Variants in MEIS3 observed in about 807,000 individuals in gnomAD.
The protein encoded by MEIS3 is Meis homeobox 3.
In MEIS3, 38 loss-of-function variants were observed where a neutral mutation model predicts 51.4. The ratio of observed to expected loss-of-function variants is 0.74; its 90% CI spans 0.57 to 0.97. MEIS3 has a LOEUF of 0.97. Ranked by LOEUF, MEIS3 falls within the 50% of genes least tolerant of loss-of-function variation. MEIS3 has a pLI of 0.00. For synonymous variants in MEIS3, 198 were observed against 201.8 expected (o/e 0.98, Z 0.16); for missense variants, 456 against 502.6 (o/e 0.91, Z 0.89).
At position 47,414,860 on chromosome 19, in the gene MEIS3, C is replaced by G; in HGVS notation, c.454G>C (p.Asp152His). Residue 152 changes from aspartate (D) to histidine (H), a missense_variant, in exon 6 of 13, where the codon GAC becomes CAC. Asp to His is a moderately conservative substitution (Grantham distance 81, BLOSUM62 -1). Transcript: ENST00000558555. Reference protein sequence around the residue: ...FHLLELEKVHDLCDNFCHRYI... With the variant: ...FHLLELEKVHHLCDNFCHRYI... The stretch of plus-strand genomic sequence containing the variant: ...CGGTGACAGAAGTTGTCGCACAGGT[C>G]GTGGACCTGGGGGGGCACCGGGGTA... 1 of 1,415,140 alleles carries G rather than the reference C, an allele frequency of 7.1e-7. No individual in the cohort carries two copies. Among genetic ancestry groups the G allele is most frequent in the East Asian group, 3.5e-5 (1 of 28,704 alleles). 87.7% of individuals were successfully genotyped at this position (1,415,140 alleles called of 1,614,324 possible).
upstream of MEIS3, among the ~76,000 whole-genome samples, chr19:47,420,936 ACACACT>A (rs1270584445): frequency 2.1e-5 from 2 of 93,984 alleles, no homozygotes; most frequent in African/African-American, 1.1e-4. Context: ...ACACACACAC[ACACACT>A]CTCTCTCTCT....
At chr19:47,407,210 G>A (rs1970875186) in intron 9 of MEIS3, 73 bp from the exon 10 acceptor site, 2 of 1,528,226 alleles carry the variant, frequency 1.3e-6, no homozygotes, top group South Asian at 1.2e-5. Context: ...AACACAGAGC[G>A]GGCCGGAGGA....
chr19:47,415,045 G>A lies in MEIS3; in HGVS notation c.447+6C>T, dbSNP rs748791079. ...GTGAGGGTGTGGGGAGGTGAGACGC[G>A]CTCACCTTCTCCAGCTCCAGCAGGT... On this transcript the variant is annotated splice_donor_region_variant and intron_variant, in intron 5 of 12. Coordinates refer to ENST00000558555, the MANE Select transcript of MEIS3 (RefSeq NM_001301059.2). The A allele has an allele frequency of 2.8e-5, 43 of 1,550,354 alleles. No homozygotes were observed. In the Admixed American group the frequency reaches 4.4e-4, roughly 16 times the overall value.
At chr19:47,414,427 A>G (rs1971289970) in intron 6 of MEIS3, among the ~76,000 whole-genome samples, 1 of 152,020 alleles carries the variant, frequency 6.6e-6, no homozygotes, top group Admixed American at 6.6e-5. Context: ...TGTGAGCAGA[A>G]ATGGCTGTTG....
intron 4 of MEIS3, 36 bp downstream of exon 4, chr19:47,416,616 T>G: frequency 1.4e-6 from 2 of 1,468,486 alleles, no homozygotes; most frequent in Non-Finnish European, 1.8e-6. Flanking sequence ...GGAGACCCAT[T>G]GGAGGAGGGG....
intron 6 of MEIS3, among the ~76,000 whole-genome samples, chr19:47,413,397 C>CAA (rs879067578): frequency 1.6e-5 from 2 of 127,150 alleles, no homozygotes; most frequent in Non-Finnish European, 1.7e-5. Context: ...GACTCCATCT[C>CAA]AAAAAAAAAA....
At chr19:47,421,828 A>C (rs1343610781), upstream of MEIS3, among the ~76,000 whole-genome samples, 4 of 128,924 alleles carry the variant, frequency 3.1e-5, no homozygotes, top group African/African-American at 8.9e-5. Flanking sequence ...CTTTCTCTCC[A>C]TCTTTCTCGG....
intron 1 of MEIS3, chr19:47,417,718 A>G: frequency 1.4e-6 from 1 of 698,780 alleles, no homozygotes; most frequent in Non-Finnish European, 2.6e-6. Context: ...TCCTGTAGGA[A>G]CCGCGCATTG....
intron 4 of MEIS3, 26 bp downstream of exon 4, chr19:47,416,626 G>A (rs1356265984): frequency 1.3e-6 from 2 of 1,500,064 alleles, no homozygotes; most frequent in Non-Finnish European, 1.8e-6. Flanking sequence ...TGGAGGAGGG[G>A]GTGTGGGGGA....
intron 6 of MEIS3, among the ~76,000 whole-genome samples, chr19:47,410,015 T>C (rs1264787196): frequency 6.6e-6 from 1 of 151,242 alleles, no homozygotes; most frequent in Admixed American, 6.6e-5. Context: ...AACTGGAAAA[T>C]GAAGGACAGG....
intron 4 of MEIS3, among the ~76,000 whole-genome samples, chr19:47,415,573 CT>C (rs1302603532): frequency 3.5e-5 from 4 of 115,250 alleles, no homozygotes; most frequent in Admixed American, 1.0e-4. Context: ...CTCTCTCTCT[CT>C]TTTTTTTTTT....
At chr19:47,406,247 T>C in intron 12 of MEIS3, 1 of 487,012 alleles carries the variant, frequency 2.1e-6, no homozygotes, top group Non-Finnish European at 3.7e-6. Context: ...AGTGAGTGGG[T>C]AGATGGATGG....
At chr19:47,415,571 CTCT>C (rs1250798732) in intron 4 of MEIS3, among the ~76,000 whole-genome samples, 104 of 122,156 alleles carry the variant, frequency 8.5e-4, no homozygotes, top group African/African-American at 3.2e-3. Context: ...CTCTCTCTCT[CTCT>C]TTTTTTTTTT....
intron 4 of MEIS3, 84 bp downstream of exon 4, chr19:47,416,568 A>ACC: frequency 3.4e-6 from 4 of 1,164,798 alleles, no homozygotes; most frequent in South Asian, 1.6e-5. Context: ...TTCTCTCTGC[A>ACC]CCCCCCCCAC....
upstream of MEIS3, among the ~76,000 whole-genome samples, chr19:47,422,062 C>T (rs993597797): frequency 1.1e-3 from 168 of 152,024 alleles, no homozygotes; most frequent in Middle Eastern, 6.8e-3. Context: ...CCCACCCCTG[C>T]GCCCGCCCCT....
intron 1 of MEIS3, chr19:47,418,045 C>G (rs1241781510): frequency 1.0e-5 from 3 of 298,420 alleles, no homozygotes; most frequent in Non-Finnish European, 1.9e-5. Flanking sequence ...GGGCCTGGCT[C>G]ATGCTGTGAG....
In MEIS3 at chr19:47,417,337, G is replaced by A. The variant is rs200901098; in HGVS notation, c.26C>T (p.Pro9Leu). The stretch of plus-strand genomic sequence containing the variant: ...GCCATCCACGATGCCTGGGTAGTGC[G>A]GCAGCTCATCATACTGGGGGAAGGT... MARRYDEL[P>L]HYPGIVDGPA... is the part of the protein sequence containing the mutation. Residue 9 changes from proline (P) to leucine (L), a missense_variant, in exon 2 of 13, where the codon CCG (proline) becomes CTG (leucine). Pro to Leu is a moderately conservative substitution (Grantham distance 98). Coordinates refer to ENST00000558555, the MANE Select transcript of MEIS3 (RefSeq NM_001301059.2). 182 of 1,613,440 alleles carry A rather than the reference G, an allele frequency of 1.1e-4. No individual in the cohort carries two copies. Among genetic ancestry groups the A allele is most frequent in the African/African-American group, 3.3e-4 (25 of 75,024 alleles).
Position 47,417,303 on chromosome 19 carries a change from G to C in MEIS3, c.60C>G (p.Ala20=), listed in dbSNP as rs769068537. The change falls in exon 2 of 13, where the codon GCC becomes GCG. Residue 20 remains alanine, a synonymous_variant. Transcript: ENST00000558555. ...HYPGIVDGPA[A]LASFPETVPA... ...GCACTGTCTCTGGGAAGCTAGCCAG[G>C]GCTGCGGGGCCATCCACGATGCCTG... 6.2e-7 allele frequency: 1 copy of C among 1,613,654 alleles called. No individual in the cohort carries two copies. The highest frequency in any genetic ancestry group is 1.3e-5 in the African/African-American group (1 of 74,924).
chr19:47,414,968 G>A (rs774113410), intron 5 of MEIS3, 83 bp downstream of exon 5: 18 of 1,010,044 alleles, frequency 1.8e-5, no homozygotes, highest in Admixed American at 1.4e-4. Flanking sequence ...TGGGGAGAGA[G>A]CTGGAAGGTG....
Sources: gnomAD v4.1 joint callset for allele counts (sites outside exome capture counted in the v4.1 genomes callset) on GRCh38, gnomAD v4.1.1 for gene constraint, MANE v1.5 for transcripts, NCBI Gene and HGNC (gene_info 2026-07-23, HGNC 2026-07-21) for gene names.